The following IL12RB2 variants were observed in gnomAD, a reference collection of about 807,000 sequenced individuals.
IL12RB2 encodes interleukin 12 receptor subunit beta 2.
In IL12RB2, 82 loss-of-function variants were observed where a neutral mutation model predicts 89.4. That is an observed-to-expected ratio of 0.92 (90% CI 0.77 to 1.10). The LOEUF (loss-of-function observed/expected upper bound fraction) is 1.10. Among genes scored for constraint, IL12RB2 ranks in the 50% least tolerant of loss-of-function variants. IL12RB2 has a pLI of 0.00. For synonymous variants in IL12RB2, 368 were observed against 370.1 expected, an observed-to-expected ratio of 0.99 and a Z score of 0.07; for missense variants, 963 against 1,031.9, an observed-to-expected ratio of 0.93 and a Z score of 0.92.
chr1:67,345,812 A>G (rs765811854), intron 9 of IL12RB2, among the ~76,000 whole-genome samples: 6 of 152,210 alleles, frequency 3.9e-5, no homozygotes, highest in Admixed American at 2.6e-4. Context: ...AGCTGAAAGT[A>G]GGGAATTTTG....
At position 67,398,253 on chromosome 1, in the gene IL12RB2, G is replaced by C. The variant is rs1242292768; in HGVS notation, c.*2164G>C. ...ACTGGCACAAACCATGACAGACAAG[G>C]CCACCTCCTCAGAAGCGGAACAACC... On this transcript the variant is annotated 3_prime_UTR_variant, in exon 17 of 17. Transcript: ENST00000674203. Among the ~76,000 whole-genome samples, 1 of 152,100 alleles carries C rather than the reference G, an allele frequency of 6.6e-6. No individual in the cohort carries two copies. Among genetic ancestry groups the C allele is most frequent in the South Asian group, 2.1e-4 (1 of 4,826 alleles).
intron 9 of IL12RB2, among the ~76,000 whole-genome samples, chr1:67,346,378 ATTTTTTTTTTTTTT>A (rs10577525): frequency 2.1e-5 from 2 of 93,892 alleles, no homozygotes; most frequent in East Asian, 2.9e-4. Flanking sequence ...AGGGTTGTCT[ATTTTTTTTTTTTTT>A]TTTTTTTTTT....
At chr1:67,334,232 G>T (rs548167042) in intron 8 of IL12RB2, among the ~76,000 whole-genome samples, 1 of 152,282 alleles carries the variant, frequency 6.6e-6, no homozygotes, top group Non-Finnish European at 1.5e-5. Context: ...GATTATTTTG[G>T]ATAGCAAACA....
intron 4 of IL12RB2, among the ~76,000 whole-genome samples, chr1:67,323,508 C>T (rs149692716): frequency 1.4e-4 from 22 of 152,294 alleles, no homozygotes; most frequent in African/African-American, 5.3e-4. Flanking sequence ...AGTGCTTAAT[C>T]CCATACAAGG....
intron 2 of IL12RB2, among the ~76,000 whole-genome samples, chr1:67,315,082 T>A (rs1244566477): frequency 6.6e-6 from 1 of 152,210 alleles, no homozygotes; most frequent in Non-Finnish European, 1.5e-5. Context: ...AAGGAGAAGC[T>A]ATTTTTACCT....
At chr1:67,362,359 G>T (rs1410087875) in intron 10 of IL12RB2, among the ~76,000 whole-genome samples, 1 of 150,568 alleles carries the variant, frequency 6.6e-6, no homozygotes, top group African/African-American at 2.4e-5. Context: ...GAGGTCAGGA[G>T]ATCGAGACCA....
intron 14 of IL12RB2, among the ~76,000 whole-genome samples, chr1:67,382,091 G>A (rs780746902): frequency 2.6e-5 from 4 of 152,330 alleles, no homozygotes; most frequent in South Asian, 2.1e-4. Flanking sequence ...CTGAAGAAAC[G>A]TGAGATTTGG....
chr1:67,365,036 C>A (rs1048773814), intron 10 of IL12RB2, among the ~76,000 whole-genome samples: 7 of 152,090 alleles, frequency 4.6e-5, no homozygotes, highest in Admixed American at 1.3e-4. Context: ...AGAGATTAAA[C>A]AACACACTTC....
intron 4 of IL12RB2, among the ~76,000 whole-genome samples, chr1:67,322,322 G>A (rs553836693): frequency 6.6e-6 from 1 of 151,176 alleles, no homozygotes; most frequent in Non-Finnish European, 1.5e-5. Context: ...TCCCAAAATA[G>A]TTCTTCCATC....
chr1:67,336,986 C>A (rs1483914551), intron 8 of IL12RB2, among the ~76,000 whole-genome samples: 1 of 152,166 alleles, frequency 6.6e-6, no homozygotes, highest in Non-Finnish European at 1.5e-5. Flanking sequence ...CCTCATCTGA[C>A]AGATGAGGGA....
rs1397406292 is a variant in IL12RB2, at chr1:67,377,338, T to C, written c.1718-2648T>C. Among the ~76,000 whole-genome samples the C allele has an allele frequency of 5.9e-5, 9 of 152,250 alleles. No individual in the cohort carries two copies. The East Asian group carries it at 1.7e-3, about 29-fold the overall frequency. ...AGTTTGTGAGCCAGTATATGTTGAG[T>C]ATATGACGCTGAGTTCTAGTTTTCC... is the stretch of plus-strand genomic sequence containing the variant. On this transcript the variant is annotated intron_variant, in intron 13 of 16. Coordinates refer to ENST00000674203, the MANE Select transcript of IL12RB2 (RefSeq NM_001374259.2).
intron 11 of IL12RB2, among the ~76,000 whole-genome samples, chr1:67,372,067 CGTGTGTGTGTCT>C (rs1663411170): frequency 1.3e-5 from 2 of 151,184 alleles, no homozygotes; most frequent in South Asian, 4.2e-4. Flanking sequence ...AGTCTGGGTG[CGTGTGTGTGTCT>C]GTGTGTGTGT....
At chr1:67,394,607 C>T (rs758266956) in intron 16 of IL12RB2, among the ~76,000 whole-genome samples, 1 of 152,206 alleles carries the variant, frequency 6.6e-6, no homozygotes, top group African/African-American at 2.4e-5. Flanking sequence ...AAAAGCAGAT[C>T]TGACAAGGAA....
At chr1:67,309,782 A>C (rs370475900) in intron 1 of IL12RB2, among the ~76,000 whole-genome samples, 6 of 152,162 alleles carry the variant, frequency 3.9e-5, no homozygotes, top group African/African-American at 1.4e-4. Flanking sequence ...TCAGTTGTGG[A>C]CTTATTTTTG....
intron 5 of IL12RB2, 34 bp from the exon 6 acceptor site, chr1:67,328,166 C>T (rs751935087): frequency 7.2e-7 from 1 of 1,393,248 alleles, no homozygotes; most frequent in Non-Finnish European, 1.0e-6. Flanking sequence ...GCACATAAAA[C>T]ATGTTGCTAC....
At chr1:67,379,829 A>C (rs1341497155) in intron 13 of IL12RB2, 157 bp from the exon 14 acceptor site, 1 of 641,238 alleles carries the variant, frequency 1.6e-6, no homozygotes, top group African/African-American at 1.8e-5. Context: ...AGGGCCTATT[A>C]AGGTATTAAG....
intron 7 of IL12RB2, 54 bp downstream of exon 7, chr1:67,329,783 C>T (rs546129313): frequency 6.0e-5 from 72 of 1,191,712 alleles, no homozygotes; most frequent in African/African-American, 1.1e-4. Context: ...AATATTGCTG[C>T]GCAGACCTCT....
At chr1:67,358,324 C>T (rs1399165502) in intron 10 of IL12RB2, among the ~76,000 whole-genome samples, 1 of 152,020 alleles carries the variant, frequency 6.6e-6, no homozygotes, top group Non-Finnish European at 1.5e-5. Flanking sequence ...GCCTGTAATC[C>T]CAGCACTTTG....
chr1:67,395,897 C>T lies in IL12RB2; in HGVS notation c.2397C>T (p.Gly799=). The change falls in exon 17 of 17, where the codon GGC becomes GGT. Residue 799 remains glycine, a synonymous_variant. Coordinates refer to ENST00000674203, the MANE Select transcript of IL12RB2 (RefSeq NM_001374259.2). Reference sequence around the variant, plus strand: ...CAGGTGACCTTCCCACCCATGATGGCTACTTACCCTCCAACATAGATGACC... The same window carrying T: ...CAGGTGACCTTCCCACCCATGATGGTTACTTACCCTCCAACATAGATGACC... ...LPAGDLPTHD[G]YLPSNIDDLP... 1.9e-6 allele frequency: 3 copies of T among 1,608,784 alleles called. No individual in the cohort carries two copies. Among genetic ancestry groups the T allele is most frequent in the Non-Finnish European group, 2.6e-6 (3 of 1,175,394 alleles).
Sources: gnomAD v4.1 joint callset for allele counts (sites outside exome capture counted in the v4.1 genomes callset) on GRCh38, gnomAD v4.1.1 for gene constraint, MANE v1.5 for transcripts, NCBI Gene and HGNC (gene_info 2026-07-23, HGNC 2026-07-21) for gene names.